DOK7: variants seen among roughly 807,000 people sequenced by gnomAD.
DOK7 encodes docking protein 7.
In DOK7, 32 loss-of-function variants were observed where a neutral mutation model predicts 30.7. That is an observed-to-expected ratio of 1.04 (90% CI 0.79 to 1.40). DOK7 has a LOEUF of 1.40. Ranked by LOEUF, DOK7 falls within the 40% of genes most tolerant of loss-of-function variation. The pLI, the probability that DOK7 is intolerant of heterozygous loss-of-function variation, is 0.00. For missense variants in DOK7, 1,007 were observed against 699.2 expected (o/e 1.44, Z -4.97); for synonymous variants, 447 against 324.1 (o/e 1.38, Z -4.07).
intron 5 of DOK7, among the ~76,000 whole-genome samples, chr4:3,487,626 C>T (rs750298067): frequency 2.4e-4 from 37 of 152,182 alleles, no homozygotes; most frequent in Middle Eastern, 3.2e-3. Context: ...CTGGCCTCCA[C>T]GGGGGTGCAC....
intron 6 of DOK7, among the ~76,000 whole-genome samples, chr4:3,490,993 ATTCC>A (rs1376239089): frequency 6.8e-5 from 4 of 58,968 alleles, no homozygotes; most frequent in Non-Finnish European, 1.0e-4. Flanking sequence ...CTGCTCATTC[ATTCC>A]TTCCTTCTTC....
chr4:3,499,515 C>G (rs1002816686), intron 6 of DOK7, among the ~76,000 whole-genome samples: 5 of 152,170 alleles, frequency 3.3e-5, no homozygotes, highest in African/African-American at 9.6e-5. Context: ...TGCGTCCAAC[C>G]CCCTAAGGTG....
chr4:3,480,808 G>C (rs1465535760), intron 4 of DOK7, among the ~76,000 whole-genome samples: 1 of 152,146 alleles, frequency 6.6e-6, no homozygotes, highest in Non-Finnish European at 1.5e-5. Flanking sequence ...ATTGCCGGGC[G>C]CTGGGCCTAG....
At chr4:3,476,655 C>T (rs371690495) in intron 4 of DOK7, 113 bp downstream of exon 4, 1 of 1,369,342 alleles carries the variant, frequency 7.3e-7, no homozygotes. Context: ...CTGGCATTTC[C>T]AGAATGCGCC....
Position 3,493,242 on chromosome 4 carries a change from GC to G in DOK7, c.1263del (p.Ser422HisfsTer34), listed in dbSNP as rs606231129. 1.5e-5 allele frequency: 24 copies of G among 1,611,824 alleles called. No homozygotes were observed. The highest frequency in any genetic ancestry group is 8.3e-5 in the Admixed American group (5 of 59,950). On this transcript the variant is annotated frameshift_variant, in exon 7 of 7. Coordinates refer to ENST00000340083, the MANE Select transcript of DOK7 (RefSeq NM_173660.5). LOFTEE classifies it low-confidence loss of function (END_TRUNC). ...RSLCLAPRDHSPPSQGSPGNS... is the reference protein window; with the variant it reads ...RSLCLAPRDHXPPSQGSPGNS... ...CTTTGCCTGGCTCCTAGAGACCACAGCCCCCCCTCACAGGGCAGCCCCGGCA... is the reference window on the plus strand; with the variant it reads ...CTTTGCCTGGCTCCTAGAGACCACAGCCCCCCTCACAGGGCAGCCCCGGCA...
intron 4 of DOK7, among the ~76,000 whole-genome samples, chr4:3,485,091 C>A (rs1727679824): frequency 6.6e-6 from 1 of 152,160 alleles, no homozygotes; most frequent in Non-Finnish European, 1.5e-5. Context: ...AGAGGAGGGA[C>A]TGATCAAGTG....
chr4:3,491,198 CCTT>C (rs1728391578), intron 6 of DOK7, among the ~76,000 whole-genome samples: 1 of 28,186 alleles, frequency 3.5e-5, no homozygotes, highest in Non-Finnish European at 7.9e-5. Flanking sequence ...CCTGCTCATT[CCTT>C]CCCCCCTGCT....
At position 3,484,412 on chromosome 4, in the gene DOK7, C is replaced by G. The variant is rs543095041; in HGVS notation, c.533-1127C>G. The G allele has an allele frequency of 3.5e-6, 3 of 845,222 alleles. No individual in the cohort carries two copies. The South Asian group carries it at 1.6e-4, about 45-fold the overall frequency. 52.4% of individuals were successfully genotyped at this position (845,222 alleles called of 1,614,324 possible). On this transcript the variant is annotated intron_variant, in intron 4 of 6. Transcript: ENST00000340083. ...GCCGAGATTTCCCTTCCCCCCAACT[C>G]CTGCCCACCCCGGCGCCTTCCCTCC...
intron 4 of DOK7, chr4:3,484,654 G>A: frequency 3.0e-6 from 3 of 985,578 alleles, no homozygotes; most frequent in Non-Finnish European, 3.6e-6. Flanking sequence ...TGCCAGTGAC[G>A]CTGGGCTGGT....
chr4:3,474,891 G>A (rs1385454419), intron 3 of DOK7, among the ~76,000 whole-genome samples: 6 of 152,088 alleles, frequency 3.9e-5, no homozygotes, highest in Admixed American at 3.3e-4. Context: ...TAGCCTGGGC[G>A]ACAGAGTGAG....
chr4:3,484,921 CA>C, intron 4 of DOK7: 1 of 976,980 alleles, frequency 1.0e-6, no homozygotes, highest in Non-Finnish European at 1.2e-6. Flanking sequence ...GGTCACATGG[CA>C]GCCTTCCTGG....
chr4:3,467,196 A>G (rs1012370680), intron 2 of DOK7, among the ~76,000 whole-genome samples: 15 of 87,434 alleles, frequency 1.7e-4, no homozygotes, highest in African/African-American at 5.1e-4. Flanking sequence ...GACCCCCCCC[A>G]CTGCGTCCCC....
At position 3,478,536 on chromosome 4, in the gene DOK7, G is replaced by T. The variant is rs560261907; in HGVS notation, c.532+1994G>T. ...AACCTGAAAACCTGCAAACCGGGCTGGCCCCACAGAACCCACAAACCTGCA... is the reference window on the plus strand; with the variant it reads ...AACCTGAAAACCTGCAAACCGGGCTTGCCCCACAGAACCCACAAACCTGCA... On this transcript the variant is annotated intron_variant, in intron 4 of 6. Transcript: ENST00000340083. 1.3e-3 allele frequency among the ~76,000 whole-genome samples: 97 copies of T among 73,674 alleles called. 1 individual carries two copies. The highest frequency in any genetic ancestry group is 6.9e-3 in the African/African-American group (92 of 13,362). The allele number at this position is 73,674 out of a possible 152,430, so 48.3% of individuals were successfully genotyped here. A position where few individuals can be genotyped will look rare whatever the true frequency, so the allele number is the denominator to read the frequency against.
At chr4:3,480,980 T>C (rs571637909) in intron 4 of DOK7, among the ~76,000 whole-genome samples, 9 of 151,752 alleles carry the variant, frequency 5.9e-5, no homozygotes, top group Admixed American at 1.3e-4. Flanking sequence ...GCAGGGTGAA[T>C]AGGAGTTAGC....
At chr4:3,463,634 CA>C in intron 2 of DOK7, 83 bp downstream of exon 2, 1 of 1,481,660 alleles carries the variant, frequency 6.7e-7, no homozygotes. Flanking sequence ...CCAGCTTGCC[CA>C]AAATCGCCGC....
At chr4:3,490,082 ACC>A (rs1368164724) in intron 6 of DOK7, among the ~76,000 whole-genome samples, 1 of 67,008 alleles carries the variant, frequency 1.5e-5, no homozygotes. Context: ...TCCTTTCTTC[ACC>A]CCCTCATTCA....
intron 4 of DOK7, 80 bp from the exon 5 acceptor site, chr4:3,485,459 C>A (rs1439046834): frequency 1.4e-5 from 20 of 1,398,666 alleles, no homozygotes; most frequent in Non-Finnish European, 1.6e-5. Flanking sequence ...GAGTTTGCTG[C>A]GGTTTCCTGT....
intron 2 of DOK7, among the ~76,000 whole-genome samples, chr4:3,464,897 G>C (rs1428792283): frequency 1.3e-5 from 2 of 152,202 alleles, no homozygotes; most frequent in Non-Finnish European, 2.9e-5. Context: ...CCCCAGGTGG[G>C]ACAATCTGTG....
In DOK7 at chr4:3,493,134, C is replaced by T. The variant is rs781370371; in HGVS notation, c.1148C>T (p.Pro383Leu). The change falls in exon 7 of 7, where the codon CCC becomes CTC. Residue 383 changes from proline to leucine, a missense_variant. By Grantham distance (98) the Pro-to-Leu change is moderately conservative. Coordinates refer to ENST00000340083, the MANE Select transcript of DOK7 (RefSeq NM_173660.5). ...LSLPAAGAPEPSLCTCLPGTV... is the reference protein window; with the variant it reads ...LSLPAAGAPELSLCTCLPGTV... ...CTGCCAGCAGCGGGGGCCCCCGAGC[C>T]CAGCCTGTGCACCTGCCTGCCCGGG... 13 of 1,598,740 alleles carry T rather than the reference C, an allele frequency of 8.1e-6. No individual in the cohort carries two copies. Among genetic ancestry groups the T allele is most frequent in the African/African-American group, 1.3e-5 (1 of 74,798 alleles).
Sources: allele counts gnomAD v4.1 joint callset (sites outside exome capture counted in the v4.1 genomes callset), GRCh38; gene constraint gnomAD v4.1.1; transcripts MANE v1.5; gene names NCBI Gene and HGNC (gene_info 2026-07-23, HGNC 2026-07-21).